HTT-AS: variants seen among roughly 807,000 people sequenced by gnomAD.
HTT-AS encodes the protein HTT antisense RNA (head to head).
chr4:3,048,299 C>T (rs1578463091), downstream of HTT-AS, among the ~76,000 whole-genome samples: 2 of 152,312 alleles, frequency 1.3e-5, no homozygotes, highest in African/African-American at 2.4e-5. Flanking sequence ...GGTCTCAGCA[C>T]GTCATTCATA....
rs76466316 is a variant in HTT-AS, at chr4:3,073,376, C to G, written n.113+1050G>C. ...CCAAAAGGCAGGAGGCTCTGGAGAC[C>G]AGGACCCTGCCCGCCACGGCCTGTG... On this transcript the variant is annotated intron_variant and non_coding_transcript_variant, in intron 1 of 2. Transcript: ENST00000664062. 9.6e-4 allele frequency among the ~76,000 whole-genome samples: 146 copies of G among 152,334 alleles called. 4 individuals are homozygous for G. In the East Asian group the frequency reaches 0.02, roughly 21 times the overall value.
chr4:3,062,012 AAG>A (rs1162557909), intron 2 of HTT-AS, among the ~76,000 whole-genome samples: 4 of 132,012 alleles, frequency 3.0e-5, no homozygotes, highest in East Asian at 2.1e-4. Context: ...AAAAAAAAAA[AAG>A]AGAGAGAGAA....
At chr4:3,065,177 C>T (rs75992088) in intron 1 of HTT-AS, among the ~76,000 whole-genome samples, 4,361 of 151,812 alleles carry the variant, frequency 0.029, 193 homozygotes, top group African/African-American at 0.095. Context: ...TCATTTTACC[C>T]GATAAGGGCA....
At chr4:3,055,230 A>C (rs1711784738) in intron 2 of HTT-AS, among the ~76,000 whole-genome samples, 1 of 151,784 alleles carries the variant, frequency 6.6e-6, no homozygotes, top group African/African-American at 2.4e-5. Context: ...CCCAGGAGGC[A>C]GAGCTTGCAG....
At chr4:3,056,050 G>A (rs1037067078) in intron 2 of HTT-AS, among the ~76,000 whole-genome samples, 1 of 152,136 alleles carries the variant, frequency 6.6e-6, no homozygotes, top group Admixed American at 6.5e-5. Context: ...ATCCAAGAGA[G>A]GACTTATCCA....
At chr4:3,073,760 G>T (rs1712264945) in intron 1 of HTT-AS, among the ~76,000 whole-genome samples, 1 of 152,194 alleles carries the variant, frequency 6.6e-6, no homozygotes, top group Non-Finnish European at 1.5e-5. Context: ...CTCAGGTCGT[G>T]CCGACCACGC....
Position 3,061,574 on chromosome 4 carries a change from C to T in HTT-AS, n.1380+860G>A, listed in dbSNP as rs553679879. The stretch of plus-strand genomic sequence containing the variant: ...GCGGGCGCCTGTAATCCCAGCTACT[C>T]GGGAGGCTGAGGCAGGAGAATAGCT... On this transcript the variant is annotated intron_variant and non_coding_transcript_variant, in intron 2 of 2. Transcript: ENST00000664062. Among the ~76,000 whole-genome samples, 24 of 150,824 alleles carry T rather than the reference C, an allele frequency of 1.6e-4. 1 individual carries two copies. The highest frequency in any genetic ancestry group is 6.6e-4 in the Admixed American group (10 of 15,048).
At chr4:3,058,970 T>A (rs1355172166) in intron 2 of HTT-AS, among the ~76,000 whole-genome samples, 1 of 152,160 alleles carries the variant, frequency 6.6e-6, no homozygotes, top group Non-Finnish European at 1.5e-5. Context: ...TACAGCCGCG[T>A]TGGCCTCCCA....
intron 2 of HTT-AS, among the ~76,000 whole-genome samples, chr4:3,053,831 T>C (rs1224716326): frequency 1.3e-5 from 2 of 150,700 alleles, no homozygotes; most frequent in African/African-American, 4.9e-5. Context: ...TGATCTAGGC[T>C]CACTACAACG....
At chr4:3,051,166 A>G (rs1359530933) in intron 2 of HTT-AS, among the ~76,000 whole-genome samples, 2 of 151,560 alleles carry the variant, frequency 1.3e-5, no homozygotes, top group Non-Finnish European at 2.9e-5. Context: ...CCCAGGTTCA[A>G]GTAATTCTCC....
chr4:3,049,102 G>T (rs1229456404), exon 3 of HTT-AS, among the ~76,000 whole-genome samples: 1 of 152,134 alleles, frequency 6.6e-6, no homozygotes, highest in Non-Finnish European at 1.5e-5. Context: ...ATTCATAGAG[G>T]CATAAGCAAG....
intron 1 of HTT-AS, chr4:3,070,303 T>C (rs1259512784): frequency 1.3e-5 from 2 of 152,256 alleles, no homozygotes; most frequent in Non-Finnish European, 2.9e-5. Flanking sequence ...TCTTTTTTTT[T>C]TTTTTGAGAC....
intron 1 of HTT-AS, among the ~76,000 whole-genome samples, chr4:3,071,962 T>A (rs546718617): frequency 2.0e-5 from 3 of 152,234 alleles, no homozygotes; most frequent in Non-Finnish European, 2.9e-5. Flanking sequence ...TACTTTGTTA[T>A]GGCAGCCCAA....
intron 1 of HTT-AS, among the ~76,000 whole-genome samples, chr4:3,069,630 C>T (rs1188847362): frequency 6.6e-6 from 1 of 151,790 alleles, no homozygotes; most frequent in Non-Finnish European, 1.5e-5. Context: ...GTCAAAGACC[C>T]CACATAAGAA....
chr4:3,055,159 G>A (rs548615365), intron 2 of HTT-AS, among the ~76,000 whole-genome samples: 15 of 152,032 alleles, frequency 9.9e-5, no homozygotes, highest in East Asian at 3.9e-4. Context: ...CCATCCGGGC[G>A]TGGTGGCGGG....
intron 2 of HTT-AS, among the ~76,000 whole-genome samples, chr4:3,054,402 AC>A (rs1456415975): frequency 6.6e-6 from 1 of 152,202 alleles, no homozygotes; most frequent in African/African-American, 2.4e-5. Context: ...GCTAAGAGTT[AC>A]CATTATAACA....
exon 2 of HTT-AS, among the ~76,000 whole-genome samples, chr4:3,062,530 C>T (rs1369641083): frequency 7.2e-5 from 11 of 152,060 alleles, no homozygotes; most frequent in Admixed American, 7.2e-4. Context: ...GCGGCCTGTG[C>T]TTCACCGCCT....
chr4:3,061,539 G>A (rs554204426), intron 2 of HTT-AS, among the ~76,000 whole-genome samples: 1 of 152,098 alleles, frequency 6.6e-6, no homozygotes, highest in South Asian at 2.1e-4. Context: ...AAAATTAGCT[G>A]GGCGTGGTGG....
Position 3,057,646 on chromosome 4 carries a change from T to A in HTT-AS, n.1380+4788A>T, listed in dbSNP as rs1022162288. Among the ~76,000 whole-genome samples the A allele has an allele frequency of 4.6e-5, 7 of 152,228 alleles. No homozygotes were observed. The East Asian group carries it at 1.4e-3, about 30-fold the overall frequency. On this transcript the variant is annotated intron_variant and non_coding_transcript_variant, in intron 2 of 2. Transcript: ENST00000664062. Reference sequence around the variant, plus strand: ...TGGTTATTTCTTTTTATTTATTTATTTATTTTTGAGACAGAGTCTCCCTTT... The same window carrying A: ...TGGTTATTTCTTTTTATTTATTTATATATTTTTGAGACAGAGTCTCCCTTT...
Sources: allele counts gnomAD v4.1 joint callset (sites outside exome capture counted in the v4.1 genomes callset), GRCh38; gene constraint gnomAD v4.1.1; transcripts MANE v1.5; gene names NCBI Gene and HGNC (gene_info 2026-07-23, HGNC 2026-07-21).